Variants in JARID2 observed in about 807,000 individuals in gnomAD.
The protein encoded by JARID2 is protein Jumonji.
JARID2 carries 21 observed loss-of-function variants against 125.6 expected under a neutral mutation model. The ratio of observed to expected loss-of-function variants is 0.17; its 90% CI spans 0.12 to 0.24. JARID2 has a LOEUF of 0.24. JARID2 is among the 10% of genes least tolerant of loss of function. The pLI is 1.00. For synonymous variants in JARID2, 736 were observed against 661.6 expected (o/e 1.11, Z -1.73); for missense variants, 1,303 against 1,639.6 (o/e 0.79, Z 3.55).
intron 3 of JARID2, among the ~76,000 whole-genome samples, chr6:15,422,394 G>GAAAAT (rs1766535391): frequency 2.0e-5 from 3 of 152,190 alleles, no homozygotes; most frequent in Admixed American, 2.0e-4. Flanking sequence ...CACGCACTGT[G>GAAAAT]CCTTCACCTT....
intron 1 of JARID2, among the ~76,000 whole-genome samples, chr6:15,318,313 C>T (rs567574948): frequency 1.3e-5 from 2 of 152,158 alleles, no homozygotes; most frequent in South Asian, 2.1e-4. Flanking sequence ...GTGGATCCAG[C>T]CAGCATGTTA....
At chr6:15,364,088 T>G (rs1763889394) in intron 1 of JARID2, among the ~76,000 whole-genome samples, 1 of 152,204 alleles carries the variant, frequency 6.6e-6, no homozygotes, top group Non-Finnish European at 1.5e-5. Flanking sequence ...ATACGTATAC[T>G]TCTGTTTATT....
At chr6:15,362,219 A>G (rs777037200) in intron 1 of JARID2, among the ~76,000 whole-genome samples, 1 of 152,006 alleles carries the variant, frequency 6.6e-6, no homozygotes, top group Non-Finnish European at 1.5e-5. Flanking sequence ...TGTCGAAAAT[A>G]TATCAGTTTA....
intron 17 of JARID2, 76 bp downstream of exon 17, chr6:15,517,344 C>T (rs989135379): frequency 1.5e-5 from 15 of 1,015,536 alleles, no homozygotes; most frequent in East Asian, 4.8e-5. Context: ...GTAGGCACTC[C>T]GGCCTGGCAG....
intron 3 of JARID2, among the ~76,000 whole-genome samples, chr6:15,424,095 A>T (rs1001325805): frequency 1.3e-5 from 2 of 150,486 alleles, no homozygotes; most frequent in African/African-American, 4.9e-5. Context: ...AGGCACACAG[A>T]CGTGGATAGA....
At chr6:15,423,922 T>A (rs1413916993) in intron 3 of JARID2, among the ~76,000 whole-genome samples, 1 of 152,102 alleles carries the variant, frequency 6.6e-6, no homozygotes, top group Non-Finnish European at 1.5e-5. Flanking sequence ...TCCGTTTTTG[T>A]TTTCCCCAAG....
In JARID2 at chr6:15,512,196, C is replaced by T; in HGVS notation, c.2953-12C>T. ...CAGGGAGGGGTGCCTCAGCCTGGCCCTGTCTCCCCAGATCTCCCCGGAGGT... is the reference window on the plus strand; with the variant it reads ...CAGGGAGGGGTGCCTCAGCCTGGCCTTGTCTCCCCAGATCTCCCCGGAGGT... On this transcript the variant is annotated splice_polypyrimidine_tract_variant and intron_variant, in intron 13 of 17. Transcript: ENST00000341776. The T allele has an allele frequency of 6.2e-7, 1 of 1,611,502 alleles. No individual in the cohort carries two copies.
intron 1 of JARID2, among the ~76,000 whole-genome samples, chr6:15,258,564 A>G (rs1268807647): frequency 1.3e-5 from 2 of 152,194 alleles, no homozygotes. Context: ...CGGGCGGATC[A>G]CAAGGTCAGG....
chr6:15,440,643 T>G (rs1260637048), intron 3 of JARID2, among the ~76,000 whole-genome samples: 2 of 152,220 alleles, frequency 1.3e-5, no homozygotes, highest in African/African-American at 4.8e-5. Context: ...TATTTAAATT[T>G]TTATTCCACT....
Position 15,520,368 on chromosome 6 carries a change from T to G in JARID2, c.*117T>G. The G allele has an allele frequency of 1.2e-6, 1 of 807,908 alleles. No individual in the cohort carries two copies. Among genetic ancestry groups the G allele is most frequent in the Non-Finnish European group, 1.8e-6 (1 of 550,998 alleles). 50.0% of individuals were successfully genotyped at this position (807,908 alleles called of 1,614,324 possible). A position where few individuals can be genotyped will look rare whatever the true frequency, so the allele number is the denominator to read the frequency against. On this transcript the variant is annotated 3_prime_UTR_variant, in exon 18 of 18. Coordinates refer to ENST00000341776, the MANE Select transcript of JARID2 (RefSeq NM_004973.4). The stretch of plus-strand genomic sequence containing the variant: ...TGCACTAGCTCTAAAGAAGATTTTC[T>G]TCTGGTTTTAGAGAACTAATTTTGT...
intron 2 of JARID2, among the ~76,000 whole-genome samples, chr6:15,406,935 G>A (rs1431781591): frequency 2.0e-5 from 3 of 152,116 alleles, no homozygotes; most frequent in African/African-American, 7.2e-5. Context: ...TTGCAGGCAA[G>A]TGTCTTTTTT....
At chr6:15,446,475 C>T (rs1319122710) in intron 3 of JARID2, among the ~76,000 whole-genome samples, 1 of 152,128 alleles carries the variant, frequency 6.6e-6, no homozygotes, top group Non-Finnish European at 1.5e-5. Context: ...TCTTATCTGG[C>T]CTAGAGGATG....
chr6:15,370,975 A>G (rs1764146527), intron 1 of JARID2, among the ~76,000 whole-genome samples: 2 of 152,228 alleles, frequency 1.3e-5, no homozygotes, highest in Non-Finnish European at 2.9e-5. Flanking sequence ...TTGAGGGAGC[A>G]GGTGACAAGT....
intron 3 of JARID2, among the ~76,000 whole-genome samples, chr6:15,411,722 A>G (rs1279462203): frequency 6.6e-6 from 1 of 152,252 alleles, no homozygotes; most frequent in African/African-American, 2.4e-5. Context: ...AATATTATCC[A>G]TGCCTCCAAC....
intron 2 of JARID2, among the ~76,000 whole-genome samples, chr6:15,383,043 G>A (rs1764651128): frequency 6.6e-6 from 1 of 152,160 alleles, no homozygotes; most frequent in South Asian, 2.1e-4. Context: ...CAGAAGGGAG[G>A]GAGAGCAGTC....
intron 9 of JARID2, 78 bp downstream of exon 9, chr6:15,504,670 C>G: frequency 1.1e-6 from 1 of 895,020 alleles, no homozygotes; most frequent in Non-Finnish European, 1.9e-6. Flanking sequence ...CTGTCCTGCC[C>G]TGACCCCTGC....
chr6:15,345,925 A>C (rs1763229463), intron 1 of JARID2, among the ~76,000 whole-genome samples: 1 of 152,228 alleles, frequency 6.6e-6, no homozygotes, highest in South Asian at 2.1e-4. Context: ...CCAGGTTTGC[A>C]ACTTGGGATA....
At chr6:15,421,720 C>G (rs1207301804) in intron 3 of JARID2, among the ~76,000 whole-genome samples, 3 of 152,216 alleles carry the variant, frequency 2.0e-5, no homozygotes, top group Admixed American at 6.5e-5. Context: ...GCTTTCACAT[C>G]TATAATGCCT....
At chr6:15,424,600 G>A (rs1258709593) in intron 3 of JARID2, among the ~76,000 whole-genome samples, 1 of 152,182 alleles carries the variant, frequency 6.6e-6, no homozygotes, top group African/African-American at 2.4e-5. Flanking sequence ...GCTCACGCCT[G>A]TAATCCCAGC....
Sources: allele counts gnomAD v4.1 joint callset (sites outside exome capture counted in the v4.1 genomes callset), GRCh38; gene constraint gnomAD v4.1.1; transcripts MANE v1.5; gene names NCBI Gene and HGNC (gene_info 2026-07-23, HGNC 2026-07-21).